Variants in XKR6 observed in about 807,000 individuals in gnomAD.
XKR6 encodes XK related 6, also known as XK-related protein 6.
In XKR6, 22 loss-of-function variants were observed where a neutral mutation model predicts 56.7. That is an observed-to-expected ratio of 0.39 (90% CI 0.28 to 0.55). The LOEUF is 0.55. XKR6 is among the 20% of genes least tolerant of loss of function. XKR6 has a pLI of 0.66. For synonymous variants in XKR6, 524 were observed against 387.8 expected (o/e 1.35, Z -4.13); for missense variants, 852 against 889.0 (o/e 0.96, Z 0.53).
intron 1 of XKR6, among the ~76,000 whole-genome samples, chr8:10,964,684 C>T (rs1393177602): frequency 6.6e-6 from 1 of 152,200 alleles, no homozygotes; most frequent in Non-Finnish European, 1.5e-5. Flanking sequence ...ATGACCTCAC[C>T]CGCGGGATCT....
At chr8:11,105,644 C>A (rs1798648690) in intron 1 of XKR6, 1 of 152,200 alleles carries the variant, frequency 6.6e-6, no homozygotes, top group South Asian at 2.1e-4. Context: ...TCCTTTAATT[C>A]ACGTGGATTT....
chr8:11,171,906 A>G (rs1267144444), intron 1 of XKR6, among the ~76,000 whole-genome samples: 1 of 151,974 alleles, frequency 6.6e-6, no homozygotes, highest in African/African-American at 2.4e-5. Flanking sequence ...TACAAAACTT[A>G]GCCAGCCGTG....
Position 11,201,758 on chromosome 8 carries a change from C to A in XKR6, c.-419G>T, listed in dbSNP as rs1018274580. 6.6e-6 allele frequency among the ~76,000 whole-genome samples: 1 copy of A among 152,202 alleles called. No homozygotes were observed. Among genetic ancestry groups the A allele is most frequent in the African/African-American group, 2.4e-5 (1 of 41,462 alleles). On this transcript the variant is annotated 5_prime_UTR_variant, in exon 1 of 3. Coordinates refer to ENST00000416569, the MANE Select transcript of XKR6 (RefSeq NM_173683.4). ...GGTCCAAAGTGATCCCTGGAGGGGGCAGTGCCAGACGTTTTGGGGTCCCCT... is the reference window on the plus strand; with the variant it reads ...GGTCCAAAGTGATCCCTGGAGGGGGAAGTGCCAGACGTTTTGGGGTCCCCT...
intron 1 of XKR6, among the ~76,000 whole-genome samples, chr8:11,016,726 C>G (rs1435632570): frequency 6.6e-6 from 1 of 152,224 alleles, no homozygotes; most frequent in Non-Finnish European, 1.5e-5. Flanking sequence ...GGGGAGCGTC[C>G]TGGCCTGCGC....
intron 1 of XKR6, among the ~76,000 whole-genome samples, chr8:11,081,320 AG>A (rs1232382067): frequency 1.3e-5 from 2 of 152,226 alleles, no homozygotes; most frequent in African/African-American, 4.8e-5. Context: ...CTGTTCCTGC[AG>A]GGGTAGAATT....
chr8:11,105,241 T>G (rs1303855871), intron 1 of XKR6: 1 of 152,238 alleles, frequency 6.6e-6, no homozygotes, highest in Non-Finnish European at 1.5e-5. Context: ...AATGTATATC[T>G]TTAGAGAACT....
intron 1 of XKR6, among the ~76,000 whole-genome samples, chr8:11,005,842 C>CCTT (rs1798354945): frequency 8.2e-6 from 1 of 121,352 alleles, no homozygotes; most frequent in African/African-American, 3.1e-5. Flanking sequence ...TTCTTTCTTT[C>CCTT]TTTTTTTTTT....
intron 1 of XKR6, among the ~76,000 whole-genome samples, chr8:10,995,039 G>A (rs1227498526): frequency 2.0e-5 from 3 of 152,192 alleles, no homozygotes; most frequent in Admixed American, 6.5e-5. Context: ...CTCCTTGTAC[G>A]AACAGCATTG....
At chr8:11,111,008 A>ATTTTT (rs58233543) in intron 1 of XKR6, among the ~76,000 whole-genome samples, 2 of 114,204 alleles carry the variant, frequency 1.8e-5, no homozygotes, top group African/African-American at 6.2e-5. Flanking sequence ...GGCTTTTTCT[A>ATTTTT]TTTTTTTTTT....
intron 1 of XKR6, among the ~76,000 whole-genome samples, chr8:10,947,679 A>T (rs1801592468): frequency 6.6e-6 from 1 of 152,144 alleles, no homozygotes; most frequent in Non-Finnish European, 1.5e-5. Flanking sequence ...ACCTTCTAAG[A>T]TGTTTTGCCT....
At chr8:11,184,637 G>A (rs560430017) in intron 1 of XKR6, among the ~76,000 whole-genome samples, 1 of 152,092 alleles carries the variant, frequency 6.6e-6, no homozygotes, top group East Asian at 1.9e-4. Flanking sequence ...AACATTTCTG[G>A]TTTGGTTTTA....
At chr8:11,119,632 G>A (rs1445253861) in intron 1 of XKR6, among the ~76,000 whole-genome samples, 1 of 152,112 alleles carries the variant, frequency 6.6e-6, no homozygotes, top group Non-Finnish European at 1.5e-5. Context: ...TGCAAACCCT[G>A]CCTTTTTTTT....
rs943536325 is a variant in XKR6 at position 11,201,473 on chromosome 8, C to G, written c.-134G>C. ...GGGAGGAAGCGGGGGAGCAAACGAA[C>G]GAGGGGGGAGTGGGCCAGGGAACCC... is the stretch of plus-strand genomic sequence containing the variant. On this transcript the variant is annotated 5_prime_UTR_variant, in exon 1 of 3. Transcript: ENST00000416569. 2 of 561,096 alleles carry G rather than the reference C, an allele frequency of 3.6e-6. No individual in the cohort carries two copies. Among genetic ancestry groups the G allele is most frequent in the South Asian group, 2.1e-5 (1 of 46,834 alleles). The allele number at this position is 561,096 out of a possible 1,614,324, so 34.8% of individuals were successfully genotyped here. A position where few individuals can be genotyped will look rare whatever the true frequency, so the allele number is the denominator to read the frequency against.
intron 2 of XKR6, among the ~76,000 whole-genome samples, chr8:10,904,910 C>A (rs866201924): frequency 1.3e-5 from 2 of 152,150 alleles, no homozygotes; most frequent in Admixed American, 6.5e-5. Context: ...TCTCTCTGAC[C>A]GAGAGCGTCA....
At chr8:10,910,335 T>G (rs1800315217) in intron 2 of XKR6, among the ~76,000 whole-genome samples, 1 of 152,116 alleles carries the variant, frequency 6.6e-6, no homozygotes, top group Admixed American at 6.5e-5. Flanking sequence ...AAGATTTAGA[T>G]CTTCCAAAGA....
intron 1 of XKR6, chr8:11,108,536 G>A: frequency 2.8e-6 from 1 of 361,480 alleles, no homozygotes; most frequent in South Asian, 2.1e-5. Flanking sequence ...CATTGCCTAG[G>A]AGGACTGTGG....
chr8:10,916,611 C>T (rs1800571145), intron 2 of XKR6, among the ~76,000 whole-genome samples: 1 of 152,246 alleles, frequency 6.6e-6, no homozygotes, highest in Non-Finnish European at 1.5e-5. Flanking sequence ...CTCCCTCCAC[C>T]TGGGGACAGA....
chr8:10,962,870 G>A (rs569349633), intron 1 of XKR6, among the ~76,000 whole-genome samples: 21 of 152,078 alleles, frequency 1.4e-4, no homozygotes, highest in Non-Finnish European at 2.4e-4. Flanking sequence ...TAATCCACCC[G>A]CCTCGGCCTC....
intron 1 of XKR6, among the ~76,000 whole-genome samples, chr8:11,119,518 G>A (rs1370254348): frequency 1.3e-5 from 2 of 152,170 alleles, no homozygotes; most frequent in Non-Finnish European, 2.9e-5. Context: ...ATATATTTAG[G>A]ACAGTTAGCT....
Sources: gnomAD v4.1 joint callset for allele counts (sites outside exome capture counted in the v4.1 genomes callset) on GRCh38, gnomAD v4.1.1 for gene constraint, MANE v1.5 for transcripts, NCBI Gene and HGNC (gene_info 2026-07-23, HGNC 2026-07-21) for gene names.